The following UNC13B variants were observed in gnomAD, a reference collection of about 807,000 sequenced individuals.
UNC13B encodes the protein protein unc-13 homolog B.
UNC13B carries 144 observed loss-of-function variants against 211.0 expected under a neutral mutation model. That is an observed-to-expected ratio of 0.68 (90% CI 0.60 to 0.78). The LOEUF is 0.78. UNC13B is among the 30% of genes least tolerant of loss of function. The pLI, the probability that UNC13B is intolerant of heterozygous loss-of-function variation, is 0.00. For synonymous variants in UNC13B, 709 were observed against 725.8 expected (o/e 0.98, Z 0.37); for missense variants, 1,777 against 2,002.0 (o/e 0.89, Z 2.14).
At chr9:35,203,901 T>G (rs898747270) in intron 1 of UNC13B, among the ~76,000 whole-genome samples, 1 of 152,220 alleles carries the variant, frequency 6.6e-6, no homozygotes, top group African/African-American at 2.4e-5. Context: ...AAGTGCTAAT[T>G]TTTCAAGACA....
At chr9:35,166,524 TTAAAGATGGGATCTCAC>T (rs2131238000) in intron 1 of UNC13B, among the ~76,000 whole-genome samples, 1 of 152,296 alleles carries the variant, frequency 6.6e-6, no homozygotes, top group South Asian at 2.1e-4. Flanking sequence ...AATTTTTTTT[TTAAAGATGGGATCTCAC>T]TATGTTGCCT....
chr9:35,345,845 C>T (rs755533785), intron 11 of UNC13B, among the ~76,000 whole-genome samples: 7 of 152,178 alleles, frequency 4.6e-5, no homozygotes, highest in South Asian at 4.1e-4. Context: ...AGGCTAGGTC[C>T]GCCCTCATGC....
At chr9:35,337,989 G>A (rs1831759075) in intron 11 of UNC13B, among the ~76,000 whole-genome samples, 1 of 152,218 alleles carries the variant, frequency 6.6e-6, no homozygotes, top group South Asian at 2.1e-4. Context: ...TGTTTCCTTT[G>A]GGTATAGAGA....
At chr9:35,199,174 ATCCTTTTTTATGGCT>A (rs1315524378) in intron 1 of UNC13B, among the ~76,000 whole-genome samples, 2 of 152,178 alleles carry the variant, frequency 1.3e-5, no homozygotes, top group East Asian at 3.9e-4. Context: ...ACATGAACTC[ATCCTTTTTTATGGCT>A]TCATAGTATT....
At chr9:35,328,432 C>T (rs1020895492) in intron 11 of UNC13B, among the ~76,000 whole-genome samples, 2 of 152,182 alleles carry the variant, frequency 1.3e-5, no homozygotes, top group African/African-American at 4.8e-5. Context: ...TGCTTCTGTT[C>T]TCCATATCTG....
chr9:35,393,820 C>A (rs966354581), intron 26 of UNC13B, among the ~76,000 whole-genome samples: 13 of 152,114 alleles, frequency 8.5e-5, no homozygotes, highest in Non-Finnish European at 1.0e-4. Context: ...ATCCACCCCC[C>A]TCAGCCTCCC....
chr9:35,351,212 T>C, intron 11 of UNC13B: 1 of 878,540 alleles, frequency 1.1e-6, no homozygotes, highest in Non-Finnish European at 1.4e-6. Context: ...ATAATGTTTT[T>C]ATTCCTGCTT....
chr9:35,400,238 T>C, intron 36 of UNC13B, 58 bp from the exon 37 acceptor site: 4 of 1,592,192 alleles, frequency 2.5e-6, no homozygotes, highest in Non-Finnish European at 3.4e-6. Flanking sequence ...AGGACAATGT[T>C]GGGGAGCTGC....
chr9:35,270,618 A>G (rs1424264531), intron 7 of UNC13B, among the ~76,000 whole-genome samples: 2 of 152,192 alleles, frequency 1.3e-5, no homozygotes, highest in African/African-American at 4.8e-5. Context: ...ATAAACTCAC[A>G]TAAGATTACA....
At chr9:35,175,860 T>TAA (rs546513987) in intron 1 of UNC13B, among the ~76,000 whole-genome samples, 12 of 80,382 alleles carry the variant, frequency 1.5e-4, no homozygotes, top group South Asian at 4.8e-4. Context: ...CTACTAAAAA[T>TAA]ATATAAAAAA....
At chr9:35,242,951 A>AG (rs1263452620) in intron 5 of UNC13B, among the ~76,000 whole-genome samples, 3 of 152,204 alleles carry the variant, frequency 2.0e-5, no homozygotes, top group African/African-American at 7.2e-5. Context: ...AGGGGAAGGT[A>AG]GTATGGTTAC....
At chr9:35,356,871 C>A (rs1253129972) in intron 11 of UNC13B, among the ~76,000 whole-genome samples, 1 of 152,084 alleles carries the variant, frequency 6.6e-6, no homozygotes, top group Non-Finnish European at 1.5e-5. Context: ...AAAATATGTG[C>A]CCTTTTGTGT....
At chr9:35,191,778 G>C (rs1451848693) in intron 1 of UNC13B, among the ~76,000 whole-genome samples, 1 of 152,324 alleles carries the variant, frequency 6.6e-6, no homozygotes, top group East Asian at 1.9e-4. Context: ...ATGTTTCCAA[G>C]TACATGAAAC....
chr9:35,403,927 C>A lies in UNC13B; in HGVS notation c.12917C>A (p.Thr4306Lys). The A allele has an allele frequency of 6.2e-7, 1 of 1,614,186 alleles. No homozygotes were observed. Among genetic ancestry groups the A allele is most frequent in the Non-Finnish European group, 8.5e-7 (1 of 1,180,034 alleles). The change falls in exon 40 of 40, where the codon ACA (threonine) becomes AAA (lysine). Residue 4306 changes from threonine to lysine, a missense_variant. Physicochemically the swap from Thr to Lys is moderately conservative, Grantham distance 78 (BLOSUM62 -1). Transcript: ENST00000635942. ...PLGRKIHMDE[T>K]GLTILRILSQ... ...GGCCGGAAGATCCATATGGATGAGA[C>A]AGGCCTGACCATTCTCCGGATTTTA...
intron 11 of UNC13B, chr9:35,364,669 G>A: frequency 7.9e-7 from 1 of 1,259,486 alleles, no homozygotes; most frequent in Non-Finnish European, 1.1e-6. Flanking sequence ...GTGTGTACAT[G>A]CACATGTGCG....
intron 3 of UNC13B, among the ~76,000 whole-genome samples, chr9:35,235,457 C>T (rs1022785595): frequency 1.4e-5 from 2 of 145,046 alleles, no homozygotes; most frequent in Admixed American, 1.4e-4. Flanking sequence ...CCCGCCCCGG[C>T]TTTTTTGGTG....
At chr9:35,166,987 C>T (rs999778957) in intron 1 of UNC13B, among the ~76,000 whole-genome samples, 1 of 152,176 alleles carries the variant, frequency 6.6e-6, no homozygotes, top group Non-Finnish European at 1.5e-5. Flanking sequence ...TGGCCCAAGA[C>T]GGCTTTGAAT....
intron 13 of UNC13B, among the ~76,000 whole-genome samples, chr9:35,374,917 C>G (rs1376666320): frequency 6.6e-6 from 1 of 152,320 alleles, no homozygotes. Flanking sequence ...GCTGTTCTAA[C>G]ATAGTTAGAG....
rs185054346 is a variant in UNC13B, at chr9:35,304,104, A to G, written c.4700A>G (p.Asp1567Gly). The change falls in exon 9 of 40, where the codon GAT (aspartate) becomes GGT (glycine). Residue 1567 changes from aspartate to glycine, a missense_variant. Asp to Gly is a moderately conservative substitution (Grantham distance 94). Transcript: ENST00000635942. ...PDSYQEYLDC[D>G]LQTNGLSSIT... is the part of the protein sequence containing the mutation. Reference sequence around the variant, plus strand: ...TCTTATCAAGAGTATTTGGATTGTGATTTACAGACAAATGGTCTATCAAGT... The same window carrying G: ...TCTTATCAAGAGTATTTGGATTGTGGTTTACAGACAAATGGTCTATCAAGT... 3 of 398,756 alleles carry G rather than the reference A, an allele frequency of 7.5e-6. No individual in the cohort carries two copies. Among genetic ancestry groups the G allele is most frequent in the East Asian group, 7.1e-5 (2 of 28,060 alleles). 24.7% of individuals were successfully genotyped at this position (398,756 alleles called of 1,614,324 possible).
Sources: allele counts gnomAD v4.1 joint callset (sites outside exome capture counted in the v4.1 genomes callset), GRCh38; gene constraint gnomAD v4.1.1; transcripts MANE v1.5; gene names NCBI Gene and HGNC (gene_info 2026-07-23, HGNC 2026-07-21).